The following ALDH18A1 variants were observed in gnomAD, a reference collection of about 807,000 sequenced individuals.
ALDH18A1 encodes the protein delta-1-pyrroline-5-carboxylate synthase.
Under a neutral mutation model 88.8 loss-of-function variants are expected in ALDH18A1, and 44 were observed. That is an observed-to-expected ratio of 0.50 (90% confidence interval 0.39 to 0.64). The LOEUF is 0.64. ALDH18A1 is among the 30% of genes least tolerant of loss of function. The probability of loss-of-function intolerance (pLI) is 0.00; values close to 1 mark genes in which losing one functional copy is unlikely to be tolerated. For synonymous variants in ALDH18A1, 331 were observed against 372.1 expected (o/e 0.89, Z 1.27); for missense variants, 782 against 1,009.5 (o/e 0.77, Z 3.05).
Position 95,628,662 on chromosome 10 carries a change from C to A in ALDH18A1, c.809-170G>T. 5 of 718,682 alleles carry A rather than the reference C, an allele frequency of 7.0e-6. 2 individuals are homozygous for A. In the South Asian group the frequency reaches 8.6e-5, roughly 12 times the overall value. 44.5% of individuals were successfully genotyped at this position (718,682 alleles called of 1,614,324 possible). On this transcript the variant is annotated intron_variant, in intron 7 of 17. Transcript: ENST00000371224. Reference sequence around the variant, plus strand: ...GAACAAGGGATTCGACACTGACAAACATCTCCAGGAAGACTCACCTTACAT... The same window carrying A: ...GAACAAGGGATTCGACACTGACAAAAATCTCCAGGAAGACTCACCTTACAT...
rs1319916588 is a variant in ALDH18A1, at chr10:95,616,594, T to G, written c.1488A>C (p.Ala496=). Residue 496 remains alanine (A), a synonymous_variant, in exon 13 of 18, where the codon GCA becomes GCC. Transcript: ENST00000371224. The part of the protein sequence containing the change: ...CLPQVAALAI[A]SGNGLLLKGG... ...CTTTGAGTAACAAGCCATTGCCACT[T>G]GCGATAGCCAAAGCTGCCACCTGCA... 1.2e-6 allele frequency: 2 copies of G among 1,607,212 alleles called. No individual in the cohort carries two copies. The highest frequency in any genetic ancestry group is 2.2e-5 in the East Asian group (1 of 44,802).
intron 13 of ALDH18A1, 80 bp from the exon 14 acceptor site, chr10:95,614,241 T>TGTTTATCTGTA: frequency 2.1e-6 from 3 of 1,406,378 alleles, no homozygotes; most frequent in Non-Finnish European, 3.0e-6. Context: ...CTTTTACAGA[T>TGTTTATCTGTA]AAACATCTGT....
rs747255812 is a variant in ALDH18A1, at chr10:95,627,427, TGAA to T, written c.1078+12_1078+14del. 5.1e-5 allele frequency: 83 copies of T among 1,614,106 alleles called. No homozygotes were observed. Among genetic ancestry groups the T allele is most frequent in the Non-Finnish European group, 7.0e-5 (83 of 1,179,922 alleles). On this transcript the variant is annotated intron_variant, in intron 9 of 17. Coordinates refer to ENST00000371224, the MANE Select transcript of ALDH18A1 (RefSeq NM_002860.4). ...TCCCATCACAGGCCTTGGGACCTTATGAAGAACTATTTACCTGCAGGCTTTACT... is the reference window on the plus strand; with the variant it reads ...TCCCATCACAGGCCTTGGGACCTTATGAACTATTTACCTGCAGGCTTTACT...
intron 15 of ALDH18A1, among the ~76,000 whole-genome samples, chr10:95,613,472 T>C (rs913842497): frequency 1.3e-5 from 2 of 152,178 alleles, no homozygotes; most frequent in Non-Finnish European, 2.9e-5. Flanking sequence ...TCAGTCAGCA[T>C]AGTGCCATGT....
chr10:95,650,045 C>A (rs905009942), intron 2 of ALDH18A1, among the ~76,000 whole-genome samples: 1 of 151,630 alleles, frequency 6.6e-6, no homozygotes, highest in Non-Finnish European at 1.5e-5. Context: ...TGGGTAACAA[C>A]AGAGCAAGAT....
chr10:95,651,008 C>T (rs1390482085), intron 2 of ALDH18A1, among the ~76,000 whole-genome samples: 8 of 152,016 alleles, frequency 5.3e-5, no homozygotes, highest in Non-Finnish European at 1.2e-4. Flanking sequence ...GTGGTGGGCA[C>T]CTGTAATCCC....
chr10:95,606,926 T>C lies in ALDH18A1; in HGVS notation c.2224A>G (p.Ser742Gly), dbSNP rs2097823874. Residue 742 changes from serine (S) to glycine (G), a missense_variant, in exon 18 of 18, where the codon AGT becomes GGT. Physicochemically the swap from Ser to Gly is moderately conservative, Grantham distance 56. This residue lies in a region of ALDH18A1 where 556 missense variants were observed against 654.5 expected (regional missense o/e 0.85). Coordinates refer to ENST00000371224, the MANE Select transcript of ALDH18A1 (RefSeq NM_002860.4). ...CCCCGGGCGTGGATTCTCGATGTAC[T>C]GATTCCCACTTCAGCTCCTGTGAAA... is the stretch of plus-strand genomic sequence containing the variant. ...RFGLGAEVGI[S>G]TSRIHARGPV... 13 of 1,614,026 alleles carry C rather than the reference T, an allele frequency of 8.1e-6. No individual in the cohort carries two copies. The highest frequency in any genetic ancestry group is 1.1e-5 in the Non-Finnish European group (13 of 1,180,014).
intron 2 of ALDH18A1, among the ~76,000 whole-genome samples, chr10:95,643,962 G>A (rs1224926326): frequency 6.6e-6 from 1 of 152,138 alleles, no homozygotes; most frequent in Non-Finnish European, 1.5e-5. Flanking sequence ...TGGACAACAT[G>A]GTGAAACCCC....
At position 95,616,508 on chromosome 10, in the gene ALDH18A1, G is replaced by T; in HGVS notation, c.1574C>A (p.Ser525Ter). 1 of 1,574,150 alleles carries T rather than the reference G, an allele frequency of 6.4e-7. No individual in the cohort carries two copies. Among genetic ancestry groups the T allele is most frequent in the Non-Finnish European group, 8.6e-7 (1 of 1,158,668 alleles). Residue 525 changes from serine to a stop codon, truncating the protein, a stop_gained, in exon 13 of 18, where the codon TCA (serine) becomes TAA (stop). Transcript: ENST00000371224. LOFTEE classifies it high-confidence loss of function. ...ILHLLTQEAL[S>*]IHGVKEAVQL... is the part of the protein sequence containing the mutation. ...CACGGCCTCCTTGACTCCATGGATT[G>T]AGAGAGCCTCCTGGGTCAGGAGGTG...
intron 17 of ALDH18A1, among the ~76,000 whole-genome samples, chr10:95,609,237 G>T (rs2097828557): frequency 6.6e-6 from 1 of 152,222 alleles, no homozygotes; most frequent in African/African-American, 2.4e-5. Flanking sequence ...CAACACGACA[G>T]AGGGCTGGAA....
Position 95,637,425 on chromosome 10 carries a change from C to T in ALDH18A1, c.315G>A (p.Leu105=). The T allele has an allele frequency of 6.2e-7, 1 of 1,614,106 alleles. No individual in the cohort carries two copies. The highest frequency in any genetic ancestry group is 8.5e-7 in the Non-Finnish European group (1 of 1,180,000). The change falls in exon 4 of 18, where the codon CTG becomes CTA. Residue 105 remains leucine (L), a synonymous_variant. Transcript: ENST00000371224. ...LASIVEQVSV[L]QNQGREMMLV... The stretch of plus-strand genomic sequence containing the variant: ...GCATCATCTCTCTGCCCTGATTCTG[C>T]AGCACTGATACCTGGGCATTGAGAA...
At chr10:95,646,081 T>C (rs2097900874) in intron 2 of ALDH18A1, among the ~76,000 whole-genome samples, 1 of 152,190 alleles carries the variant, frequency 6.6e-6, no homozygotes. Context: ...CAGTGGCTGT[T>C]TGCAGAGCTT....
chr10:95,617,314 A>C (rs1174000845), intron 12 of ALDH18A1, among the ~76,000 whole-genome samples: 1 of 152,260 alleles, frequency 6.6e-6, no homozygotes. Context: ...CCCACCGTGG[A>C]GAACAGGGTC....
At chr10:95,630,122 C>T (rs946655813) in intron 7 of ALDH18A1, among the ~76,000 whole-genome samples, 2 of 152,014 alleles carry the variant, frequency 1.3e-5, no homozygotes, top group African/African-American at 4.8e-5. Flanking sequence ...TTTCCCCCCC[C>T]TCTCCCAACA....
In ALDH18A1 at chr10:95,606,298, G is replaced by T. The variant is rs552126437; in HGVS notation, c.*464C>A. On this transcript the variant is annotated 3_prime_UTR_variant, in exon 18 of 18. Transcript: ENST00000371224. The stretch of plus-strand genomic sequence containing the variant: ...GACTTTCTGATGAGAATGCTAAAAA[G>T]AAGAGTTGCCCCTTTTCTAAAATTC... The T allele has an allele frequency of 5.0e-6, 5 of 1,001,770 alleles. No individual in the cohort carries two copies. The highest frequency in any genetic ancestry group is 4.8e-6 in the Non-Finnish European group (4 of 839,348). The allele number at this position is 1,001,770 out of a possible 1,614,324, so 62.1% of individuals were successfully genotyped here. A position where few individuals can be genotyped will look rare whatever the true frequency, so the allele number is the denominator to read the frequency against.
intron 15 of ALDH18A1, among the ~76,000 whole-genome samples, chr10:95,611,973 G>T (rs1024611345): frequency 6.7e-6 from 1 of 148,306 alleles, no homozygotes; most frequent in East Asian, 2.0e-4. Context: ...CCGTCTCAAA[G>T]AAAAAAAAAA....
intron 13 of ALDH18A1, among the ~76,000 whole-genome samples, chr10:95,614,946 C>A (rs1363481006): frequency 6.6e-6 from 1 of 152,106 alleles, no homozygotes; most frequent in Non-Finnish European, 1.5e-5. Flanking sequence ...CTGCTAGATG[C>A]AACAATGGGA....
chr10:95,621,164 GC>G lies in ALDH18A1; in HGVS notation c.1333del (p.Ala445ProfsTer25). The G allele has an allele frequency of 6.2e-7, 1 of 1,614,102 alleles. No homozygotes were observed. Among genetic ancestry groups the G allele is most frequent in the Non-Finnish European group, 8.5e-7 (1 of 1,180,022 alleles). ...ACGTCCCACGCTGTCCTGGGAGGAG[GC>G]TGCGATCTGTCGCAGACCGATGGCC... is the stretch of plus-strand genomic sequence containing the variant. ...SLAIGLRQIA[A>X]SSQDSVGRVL... On this transcript the variant is annotated frameshift_variant, in exon 12 of 18. Coordinates refer to ENST00000371224, the MANE Select transcript of ALDH18A1 (RefSeq NM_002860.4). LOFTEE classifies it high-confidence loss of function.
In ALDH18A1 at chr10:95,625,361, C is replaced by T. The variant is rs765778366; in HGVS notation, c.1246+1G>A. ...TTGACTTTAAATTGCCTGGTCTTTA[C>T]CCTCTGCCTCCTCCAAGTCTTTTTT... On this transcript the variant is annotated splice_donor_variant, in intron 11 of 17. Coordinates refer to ENST00000371224, the MANE Select transcript of ALDH18A1 (RefSeq NM_002860.4). LOFTEE classifies it high-confidence loss of function. 14 of 1,613,860 alleles carry T rather than the reference C, an allele frequency of 8.7e-6. No homozygotes were observed. The highest frequency in any genetic ancestry group is 1.7e-4 in the Middle Eastern group (1 of 6,058).
Sources: gnomAD v4.1 joint callset for allele counts (sites outside exome capture counted in the v4.1 genomes callset) on GRCh38, gnomAD v4.1.1 for gene constraint, gnomAD v4.1.1 regional missense constraint, MANE v1.5 for transcripts, NCBI Gene and HGNC (gene_info 2026-07-23, HGNC 2026-07-21) for gene names.